Variants in RHOT1 observed in about 807,000 individuals in gnomAD.
RHOT1 encodes the protein ras homolog family member T1.
RHOT1 carries 27 observed loss-of-function variants against 95.3 expected under a neutral mutation model. That is an observed-to-expected ratio of 0.28 (90% confidence interval 0.21 to 0.39). RHOT1 has a LOEUF of 0.39. Among genes scored for constraint, RHOT1 ranks in the 10% least tolerant of loss-of-function variants. The pLI is 1.00. For missense variants in RHOT1, 578 were observed against 786.7 expected (o/e 0.73, Z 3.17); for synonymous variants, 227 against 263.5 (o/e 0.86, Z 1.34).
At position 32,193,177 on chromosome 17, in the gene RHOT1, G is replaced by A. The variant is rs749545423; in HGVS notation, c.681G>A (p.Glu227=). The part of the protein sequence containing the change: ...FNTPLAPQAL[E]DVKNVVRKHI... Reference sequence around the variant, plus strand: ...CTCCATTAGCTCCTCAAGCTCTGGAGGATGTCAAGAATGTAGTCAGAAAAC... The same window carrying A: ...CTCCATTAGCTCCTCAAGCTCTGGAAGATGTCAAGAATGTAGTCAGAAAAC... The change falls in exon 10 of 20, where the codon GAG becomes GAA. Residue 227 remains glutamate (E), a synonymous_variant. Transcript: ENST00000545287. 6 of 1,613,672 alleles carry A rather than the reference G, an allele frequency of 3.7e-6. No homozygotes were observed. In the South Asian group the frequency reaches 6.6e-5, roughly 18 times the overall value.
intron 2 of RHOT1, among the ~76,000 whole-genome samples, chr17:32,171,667 T>G (rs940690552): frequency 6.6e-6 from 1 of 152,166 alleles, no homozygotes. Flanking sequence ...ATTCCGTGAG[T>G]TGAAGTTAAG....
intron 11 of RHOT1, among the ~76,000 whole-genome samples, chr17:32,195,396 G>A (rs906494990): frequency 3.9e-5 from 6 of 152,042 alleles, no homozygotes; most frequent in Admixed American, 3.3e-4. Flanking sequence ...TTACAGACAT[G>A]AGCCACCATG....
intron 11 of RHOT1, among the ~76,000 whole-genome samples, chr17:32,195,060 C>T (rs8066084): frequency 0.034 from 5,188 of 151,580 alleles, 295 homozygotes; most frequent in African/African-American, 0.12. Context: ...CTCCTGACCT[C>T]GTGATCCACC....
chr17:32,149,659 G>GTGTGTA (rs1555545634), intron 1 of RHOT1, among the ~76,000 whole-genome samples: 8 of 131,664 alleles, frequency 6.1e-5, no homozygotes, highest in Non-Finnish European at 1.1e-4. Flanking sequence ...GTGTGTGTGT[G>GTGTGTA]TGTATACACA....
intron 11 of RHOT1, among the ~76,000 whole-genome samples, chr17:32,197,237 C>CT (rs1238758484): frequency 8.7e-5 from 13 of 149,810 alleles, no homozygotes; most frequent in East Asian, 8.0e-4. Flanking sequence ...AGTACATTTG[C>CT]TTTTTTTTTG....
rs185287753 is a variant in RHOT1 at position 32,187,002 on chromosome 17, G to A, written c.540+3730G>A. Among the ~76,000 whole-genome samples, 531 of 151,842 alleles carry A rather than the reference G, an allele frequency of 3.5e-3. 5 individuals are homozygous for A. Among genetic ancestry groups the A allele is most frequent in the African/African-American group, 0.012 (491 of 41,454 alleles). On this transcript the variant is annotated intron_variant, in intron 8 of 19. Transcript: ENST00000545287. The stretch of plus-strand genomic sequence containing the variant: ...AAAGGTAATTTTTATTTTAAGAAGC[G>A]GGGGCCGGGTGCAGTGGCTCATGCC...
intron 19 of RHOT1, among the ~76,000 whole-genome samples, chr17:32,217,859 T>A (rs1471542254): frequency 2.0e-5 from 3 of 151,498 alleles, no homozygotes; most frequent in East Asian, 1.9e-4. Context: ...TATTTTATTT[T>A]ATTTATTTAT....
rs555707303 is a variant in RHOT1, at chr17:32,200,579, C to A, written c.1101-377C>A. Among the ~76,000 whole-genome samples, 3 of 151,662 alleles carry A rather than the reference C, an allele frequency of 2.0e-5. No homozygotes were observed. The South Asian group carries it at 6.3e-4, about 32-fold the overall frequency. ...TTCAAGACCAGCCTAAGCAACATGG[C>A]GAAACCCTGTCTCTACTAAAAAATT... On this transcript the variant is annotated intron_variant, in intron 13 of 19. Coordinates refer to ENST00000545287, the MANE Select transcript of RHOT1 (RefSeq NM_001033566.3).
chr17:32,156,306 G>C (rs1299537306), intron 1 of RHOT1, among the ~76,000 whole-genome samples: 1 of 152,186 alleles, frequency 6.6e-6, no homozygotes, highest in Non-Finnish European at 1.5e-5. Context: ...ACCCATCCTG[G>C]ACCAGCTTGG....
chr17:32,166,103 G>A (rs747462897), intron 1 of RHOT1, among the ~76,000 whole-genome samples: 5 of 150,864 alleles, frequency 3.3e-5, no homozygotes, highest in South Asian at 2.1e-4. Flanking sequence ...CATGAAAATC[G>A]CTTGAACCTG....
intron 8 of RHOT1, among the ~76,000 whole-genome samples, chr17:32,190,017 A>G (rs560929014): frequency 6.6e-6 from 1 of 151,888 alleles, no homozygotes; most frequent in South Asian, 2.1e-4. Context: ...AAATACCATA[A>G]TTTTTTATAG....
At position 32,206,916 on chromosome 17, in the gene RHOT1, G is replaced by T; in HGVS notation, c.1423G>T (p.Asp475Tyr). ...YGQEKYLLLH[D>Y]ISESEFLTEA... Reference sequence around the variant, plus strand: ...TATCTTTTTCTTTTACAAGTTGCATGATATCTCAGAATCGGAATTTCTAAC... The same window carrying T: ...TATCTTTTTCTTTTACAAGTTGCATTATATCTCAGAATCGGAATTTCTAAC... The change falls in exon 17 of 20, where the codon GAT becomes TAT. Residue 475 changes from aspartate (D) to tyrosine (Y), a missense_variant. Coordinates refer to ENST00000545287, the MANE Select transcript of RHOT1 (RefSeq NM_001033566.3). 1 of 1,579,758 alleles carries T rather than the reference G, an allele frequency of 6.3e-7. No homozygotes were observed. Among genetic ancestry groups the T allele is most frequent in the African/African-American group, 1.4e-5 (1 of 73,428 alleles).
chr17:32,183,087 C>T, intron 7 of RHOT1, 84 bp from the exon 8 acceptor site: 1 of 1,174,164 alleles, frequency 8.5e-7, no homozygotes, highest in Non-Finnish European at 1.2e-6. Context: ...TTCAAGGAAT[C>T]TTTTTTTTGC....
At chr17:32,146,402 G>T (rs1490214358) in intron 1 of RHOT1, among the ~76,000 whole-genome samples, 1 of 151,774 alleles carries the variant, frequency 6.6e-6, no homozygotes, top group East Asian at 1.9e-4. Context: ...ACTCCTCTTT[G>T]TCATAAAAAT....
At chr17:32,224,406 T>C (rs2039018982) in intron 19 of RHOT1, among the ~76,000 whole-genome samples, 1 of 152,236 alleles carries the variant, frequency 6.6e-6, no homozygotes, top group South Asian at 2.1e-4. Flanking sequence ...TAATTGTCTT[T>C]ATTAGTATCT....
At chr17:32,214,169 G>A (rs1156271789) in intron 19 of RHOT1, among the ~76,000 whole-genome samples, 1 of 152,162 alleles carries the variant, frequency 6.6e-6, no homozygotes, top group Non-Finnish European at 1.5e-5. Context: ...AGATAGGTAG[G>A]TGGGGGCCAA....
At chr17:32,157,631 C>A (rs888181542) in intron 1 of RHOT1, among the ~76,000 whole-genome samples, 18 of 151,974 alleles carry the variant, frequency 1.2e-4, no homozygotes, top group Non-Finnish European at 4.4e-5. Context: ...TGGTGAAACC[C>A]CGTTTCTACT....
chr17:32,200,075 C>T (rs541675411), intron 13 of RHOT1, among the ~76,000 whole-genome samples: 23 of 151,504 alleles, frequency 1.5e-4, no homozygotes, highest in Middle Eastern at 3.4e-3. Flanking sequence ...GAGGTTCTTT[C>T]ACTCAGCACA....
At chr17:32,149,635 A>ATATATATATATATATATATGTGTG (rs1445281403) in intron 1 of RHOT1, among the ~76,000 whole-genome samples, 2 of 59,072 alleles carry the variant, frequency 3.4e-5, no homozygotes, top group Non-Finnish European at 6.8e-5. Context: ...ATATATATAT[A>ATATATATATATATATATATGTGTG]TGTGTGTGTG....
Sources: gnomAD v4.1 joint callset for allele counts (sites outside exome capture counted in the v4.1 genomes callset) on GRCh38, gnomAD v4.1.1 for gene constraint, MANE v1.5 for transcripts, NCBI Gene and HGNC (gene_info 2026-07-23, HGNC 2026-07-21) for gene names.